IGF2R: variants seen among roughly 807,000 people sequenced by gnomAD.
The protein encoded by IGF2R is cation-independent mannose-6-phosphate receptor.
Under a neutral mutation model 270.6 loss-of-function variants are expected in IGF2R, and 91 were observed. The observed-to-expected ratio is 0.34, with a 90% CI of 0.28 to 0.40. IGF2R has a LOEUF of 0.40. Ranked by LOEUF, IGF2R falls within the 10% of genes least tolerant of loss-of-function variation. The pLI is 1.00. For synonymous variants in IGF2R, 1,316 were observed against 1,258.9 expected, an observed-to-expected ratio of 1.05 and a Z score of -0.96; for missense variants, 2,805 against 3,188.3, an observed-to-expected ratio of 0.88 and a Z score of 2.90.
Position 159,990,489 on chromosome 6 carries a change from C to T in IGF2R, c.150-695C>T, listed in dbSNP as rs75512903. On this transcript the variant is annotated intron_variant, in intron 1 of 47. Coordinates refer to ENST00000356956, the MANE Select transcript of IGF2R (RefSeq NM_000876.4). ...ACGATTGTAAGTTTCTTGAGGCCTC[C>T]CTAGCCATGCTTAACTATGAGTCAA... is the stretch of plus-strand genomic sequence containing the variant. Among the ~76,000 whole-genome samples the T allele has an allele frequency of 5.5e-3, 841 of 152,284 alleles. 8 individuals carry two copies. Among genetic ancestry groups the T allele is most frequent in the African/African-American group, 0.019 (810 of 41,556 alleles).
chr6:160,072,703 A>T (rs1490546645), intron 32 of IGF2R, 62 bp from the exon 33 acceptor site: 2 of 1,599,850 alleles, frequency 1.3e-6, no homozygotes, highest in African/African-American at 2.7e-5. Flanking sequence ...CTCGCCGATG[A>T]TGAGCCTCCC....
intron 2 of IGF2R, among the ~76,000 whole-genome samples, chr6:159,993,985 ATTTTTTTTTT>A (rs59369382): frequency 5.7e-4 from 35 of 61,040 alleles, no homozygotes; most frequent in African/African-American, 7.7e-4. Flanking sequence ...CTCCAACTTG[ATTTTTTTTTT>A]TTTTTTTTTT....
chr6:160,105,059 G>A lies in IGF2R; in HGVS notation c.7451G>A (p.Ser2484Asn). The A allele has an allele frequency of 6.2e-7, 1 of 1,600,454 alleles. No homozygotes were observed. The highest frequency in any genetic ancestry group is 8.5e-7 in the Non-Finnish European group (1 of 1,173,014). ...AAGCTGGTGTCCTTCCATGACGACA[G>A]CGACGAGGACCTCTTACACATCTGA... is the stretch of plus-strand genomic sequence containing the variant. The part of the protein sequence containing the change: ...STKLVSFHDD[S>N]DEDLLHI Residue 2484 changes from serine (S) to asparagine (N), a missense_variant, in exon 48 of 48, where the codon AGC (serine) becomes AAC (asparagine). By Grantham distance (46) the Ser-to-Asn change is conservative. Transcript: ENST00000356956.
chr6:160,027,434 C>T (rs1268700924), intron 6 of IGF2R, 120 bp downstream of exon 6: 9 of 1,098,920 alleles, frequency 8.2e-6, no homozygotes, highest in African/African-American at 1.6e-5. Flanking sequence ...AGCATTGCTG[C>T]TTCACATGTA....
chr6:160,026,572 A>T (rs576325142), intron 5 of IGF2R, among the ~76,000 whole-genome samples: 4 of 152,216 alleles, frequency 2.6e-5, no homozygotes, highest in African/African-American at 9.6e-5. Context: ...TGTGTAAGGT[A>T]TTGAGTCATG....
intron 19 of IGF2R, among the ~76,000 whole-genome samples, chr6:160,054,243 T>G (rs1363032451): frequency 1.3e-5 from 2 of 152,218 alleles, no homozygotes; most frequent in Non-Finnish European, 2.9e-5. Context: ...GCTATGCATA[T>G]TCACGAAGGG....
At chr6:160,097,739 C>T (rs971014370) in intron 45 of IGF2R, among the ~76,000 whole-genome samples, 18 of 152,126 alleles carry the variant, frequency 1.2e-4, no homozygotes, top group Admixed American at 3.9e-4. Flanking sequence ...AAAAAGGGAC[C>T]GTAGAGTCAG....
intron 5 of IGF2R, among the ~76,000 whole-genome samples, chr6:160,025,122 G>C (rs1777531287): frequency 1.3e-5 from 2 of 152,180 alleles, no homozygotes; most frequent in African/African-American, 4.8e-5. Flanking sequence ...AAGCTGACTT[G>C]TTCCTTTCTC....
chr6:160,092,765 C>G (rs1253306381), intron 44 of IGF2R, among the ~76,000 whole-genome samples: 1 of 152,202 alleles, frequency 6.6e-6, no homozygotes, highest in African/African-American at 2.4e-5. Context: ...GGAGCCGCAC[C>G]GCCTGTCTCT....
chr6:160,084,588 G>A lies in IGF2R; in HGVS notation c.6068+404G>A, dbSNP rs527449370. 3.0e-4 allele frequency among the ~76,000 whole-genome samples: 46 copies of A among 152,306 alleles called. No homozygotes were observed. In the East Asian group the frequency reaches 7.4e-3, roughly 24 times the overall value. On this transcript the variant is annotated intron_variant, in intron 40 of 47. Coordinates refer to ENST00000356956, the MANE Select transcript of IGF2R (RefSeq NM_000876.4). This position sits in a 1 kb window ranked among gnomAD's most constrained non-coding sequence, Gnocchi z 4.6. ...GTCCTGACCACTCTGCGTGGGGAGC[G>A]CCCGCTTGGCCAGGTGCTCCTGCAA... is the stretch of plus-strand genomic sequence containing the variant.
intron 19 of IGF2R, among the ~76,000 whole-genome samples, chr6:160,055,802 C>A (rs576050334): frequency 6.6e-6 from 1 of 152,290 alleles, no homozygotes; most frequent in East Asian, 1.9e-4. Context: ...TAAACACTCC[C>A]TGATCGGCAG....
intron 45 of IGF2R, among the ~76,000 whole-genome samples, chr6:160,101,070 G>T (rs1057187579): frequency 6.6e-6 from 1 of 150,848 alleles, no homozygotes; most frequent in Non-Finnish European, 1.5e-5. Flanking sequence ...GGGATTACAG[G>T]CATGAGCCAC....
chr6:160,059,247 T>G, intron 22 of IGF2R, 149 bp downstream of exon 22: 2 of 631,884 alleles, frequency 3.2e-6, no homozygotes, highest in East Asian at 2.7e-5. Context: ...CACGGTGGTC[T>G]TCCTGCGTTT....
At chr6:159,995,317 T>G in intron 2 of IGF2R, among the ~76,000 whole-genome samples, 1 of 150,206 alleles carries the variant, frequency 6.7e-6, no homozygotes, top group East Asian at 1.9e-4. Flanking sequence ...CTTGAGTCTT[T>G]GTTTTTACCA....
chr6:159,974,540 A>T (rs1245785552), intron 1 of IGF2R, among the ~76,000 whole-genome samples: 1 of 152,198 alleles, frequency 6.6e-6, no homozygotes, highest in Non-Finnish European at 1.5e-5. Context: ...AAAAAATTTG[A>T]TGGACTATAA....
intron 44 of IGF2R, chr6:160,094,670 G>A (rs1779308625): frequency 6.6e-6 from 1 of 152,138 alleles, no homozygotes; most frequent in Non-Finnish European, 1.5e-5. Context: ...AGGCTGAGGT[G>A]GGCAGATCAC....
chr6:160,068,841 G>A (rs1778649834), intron 30 of IGF2R, among the ~76,000 whole-genome samples: 1 of 152,194 alleles, frequency 6.6e-6, no homozygotes, highest in Non-Finnish European at 1.5e-5. Context: ...TTTACTCTCT[G>A]CAGCATGGAC....
rs1205665025 is a variant in IGF2R, at chr6:160,073,710, T to C, written c.4948-47T>C. 5 of 1,524,138 alleles carry C rather than the reference T, an allele frequency of 3.3e-6. No individual in the cohort carries two copies. In the African/African-American group the frequency reaches 4.1e-5, roughly 13 times the overall value. 94.4% of individuals were successfully genotyped at this position (1,524,138 alleles called of 1,614,324 possible). A position where few individuals can be genotyped will look rare whatever the true frequency, so the allele number is the denominator to read the frequency against. Reference sequence around the variant, plus strand: ...TTCTTATGGATGACCTAGTGGTGATTAGGAAAATTTTTTTGTAGACTCAAA... The same window carrying C: ...TTCTTATGGATGACCTAGTGGTGATCAGGAAAATTTTTTTGTAGACTCAAA... On this transcript the variant is annotated intron_variant, in intron 34 of 47. Coordinates refer to ENST00000356956, the MANE Select transcript of IGF2R (RefSeq NM_000876.4).
intron 1 of IGF2R, among the ~76,000 whole-genome samples, chr6:159,976,483 TTTA>T (rs1422341890): frequency 1.3e-5 from 2 of 152,148 alleles, no homozygotes; most frequent in Non-Finnish European, 2.9e-5. Context: ...TATTTGCAAT[TTTA>T]TTAATTTATC....
Sources: allele counts gnomAD v4.1 joint callset (sites outside exome capture counted in the v4.1 genomes callset), GRCh38; gene constraint gnomAD v4.1.1; non-coding constraint Gnocchi (gnomAD v3.1); transcripts MANE v1.5; gene names NCBI Gene and HGNC (gene_info 2026-07-23, HGNC 2026-07-21).